Variants in ZMYM6 observed in about 807,000 individuals in gnomAD.
The protein encoded by ZMYM6 is zinc finger MYM-type containing 6, also known as zinc finger MYM-type protein 6.
ZMYM6 carries 90 observed loss-of-function variants against 134.0 expected under a neutral mutation model. The observed-to-expected ratio is 0.67, with a 90% confidence interval of 0.57 to 0.80. The LOEUF (loss-of-function observed/expected upper bound fraction) is 0.80. ZMYM6 is among the 30% of genes least tolerant of loss of function. The pLI, the probability that ZMYM6 is intolerant of heterozygous loss-of-function variation, is 0.00. For missense variants in ZMYM6, 1,362 were observed against 1,533.9 expected (o/e 0.89, Z 1.87); for synonymous variants, 481 against 524.1 (o/e 0.92, Z 1.12).
rs564176859 is a variant in ZMYM6, at chr1:35,003,847, T to C, written c.1992+121A>G. On this transcript the variant is annotated intron_variant, in intron 14 of 15. Transcript: ENST00000357182. ...CTGTTAGTTGTGCCCAAGACCTAGA[T>C]TAATGACTAGGACCCTCTTCCAGCA... is the stretch of plus-strand genomic sequence containing the variant. 2.5e-5 allele frequency: 21 copies of C among 831,476 alleles called. No homozygotes were observed. The African/African-American group carries it at 3.3e-4, about 13-fold the overall frequency. 51.5% of individuals were successfully genotyped at this position (831,476 alleles called of 1,614,324 possible). A position where few individuals can be genotyped will look rare whatever the true frequency, so the allele number is the denominator to read the frequency against.
At chr1:35,007,348 T>C (rs1641002153) in intron 11 of ZMYM6, among the ~76,000 whole-genome samples, 1 of 152,156 alleles carries the variant, frequency 6.6e-6, no homozygotes, top group Non-Finnish European at 1.5e-5. Context: ...CCCAGCATTT[T>C]AGGAGGCCGA....
intron 11 of ZMYM6, among the ~76,000 whole-genome samples, chr1:35,007,418 G>GT (rs1291390404): frequency 6.6e-6 from 1 of 151,808 alleles, no homozygotes; most frequent in Admixed American, 6.6e-5. Context: ...GTGAAACCCC[G>GT]TATCTACTAA....
chr1:34,999,521 G>C lies in ZMYM6; in HGVS notation c.1992+4447C>G, dbSNP rs960456174. 3.9e-5 allele frequency among the ~76,000 whole-genome samples: 6 copies of C among 152,178 alleles called. No individual in the cohort carries two copies. In the East Asian group the frequency reaches 5.8e-4, roughly 15 times the overall value. On this transcript the variant is annotated intron_variant, in intron 14 of 15. Transcript: ENST00000357182. ...ATATTTTTGTGTTGATGAAAATAAT[G>C]AGTTGAAAAGGGGGAAAATCCAGAT...
At position 35,020,383 on chromosome 1, in the gene ZMYM6, C is replaced by G. The variant is rs1398707559; in HGVS notation, c.178G>C (p.Ala60Pro). The G allele has an allele frequency of 2.5e-6, 4 of 1,601,366 alleles. No homozygotes were observed. The highest frequency in any genetic ancestry group is 2.6e-6 in the Non-Finnish European group (3 of 1,176,202). ...GVSSVNERPI[A>P]QQLNPGFQLS... ...TAACTTATACAGTTCCATTTCTTAC[C>G]AATAGGTCTCTCATTAACTGAAGAC... is the stretch of plus-strand genomic sequence containing the variant. Residue 60 changes from alanine to proline, a missense_variant and splice_region_variant, in exon 3 of 16, where the codon GCC becomes CCC. By Grantham distance (27) the Ala-to-Pro change is conservative. Transcript: ENST00000357182.
chr1:35,007,231 C>A, intron 11 of ZMYM6, 133 bp from the exon 12 acceptor site: 4 of 771,712 alleles, frequency 5.2e-6, no homozygotes, highest in East Asian at 3.2e-5. Flanking sequence ...AGGTTCTTAC[C>A]TTAAAATACT....
chr1:34,988,931 T>C lies in ZMYM6; in HGVS notation c.2151A>G (p.Leu717=). The change falls in exon 16 of 16, where the codon TTA becomes TTG. Residue 717 remains leucine (L), a synonymous_variant. Coordinates refer to ENST00000357182, the MANE Select transcript of ZMYM6 (RefSeq NM_007167.4). ...CATCATTTTTTTCATTAGGCATAGGTAAATCTGAATGAAATATTTGAATCA... is the reference window on the plus strand; with the variant it reads ...CATCATTTTTTTCATTAGGCATAGGCAAATCTGAATGAAATATTTGAATCA... ...HTQHKECQTD[L]PMPNEKNDAE... The C allele has an allele frequency of 6.2e-7, 1 of 1,605,842 alleles. No individual in the cohort carries two copies. Among genetic ancestry groups the C allele is most frequent in the East Asian group, 2.2e-5 (1 of 44,778 alleles).
Position 34,992,722 on chromosome 1 carries a change from TAAAA to T in ZMYM6, c.1993-339_1993-336del, listed in dbSNP as rs1423667398. Among the ~76,000 whole-genome samples the T allele has an allele frequency of 4.7e-4, 66 of 140,694 alleles. 6 individuals carry two copies. Among genetic ancestry groups the T allele is most frequent in the African/African-American group, 1.6e-3 (58 of 36,436 alleles). 92.3% of individuals were successfully genotyped at this position (140,694 alleles called of 152,430 possible). ...AAAATATACTTATAAACTATAAAAA[TAAAA>T]ATATACTTATAAACTATAAATATAA... On this transcript the variant is annotated intron_variant, in intron 14 of 15. Coordinates refer to ENST00000357182, the MANE Select transcript of ZMYM6 (RefSeq NM_007167.4).
chr1:35,007,168 A>T (rs1290119342), intron 11 of ZMYM6, 70 bp from the exon 12 acceptor site: 7 of 1,475,646 alleles, frequency 4.7e-6, no homozygotes, highest in African/African-American at 2.9e-5. Flanking sequence ...TTAATCATAA[A>T]AAGAGGGACT....
intron 4 of ZMYM6, among the ~76,000 whole-genome samples, chr1:35,015,945 CTTTTT>C (rs10715166): frequency 1.5e-5 from 2 of 134,110 alleles, no homozygotes. Context: ...TTTTTTCTTT[CTTTTT>C]TTTTTTTTTT....
intron 14 of ZMYM6, among the ~76,000 whole-genome samples, chr1:35,001,808 T>G (rs1416336051): frequency 1.3e-5 from 2 of 152,144 alleles, no homozygotes; most frequent in African/African-American, 2.4e-5. Flanking sequence ...ACACAAATAA[T>G]GAGAGAGTTA....
chr1:35,018,972 G>T lies in ZMYM6; in HGVS notation c.428+381C>A, dbSNP rs569389283. Reference sequence around the variant, plus strand: ...CCATGTAGAGTTTTTACTTTTTAAAGAATTAAATAGCTTTTGTATACTATT... The same window carrying T: ...CCATGTAGAGTTTTTACTTTTTAAATAATTAAATAGCTTTTGTATACTATT... On this transcript the variant is annotated intron_variant, in intron 4 of 15. Coordinates refer to ENST00000357182, the MANE Select transcript of ZMYM6 (RefSeq NM_007167.4). 1.1e-3 allele frequency: 289 copies of T among 264,676 alleles called. 3 individuals carry two copies. Among genetic ancestry groups the T allele is most frequent in the African/African-American group, 5.8e-3 (262 of 45,362 alleles). 16.4% of individuals were successfully genotyped at this position (264,676 alleles called of 1,614,324 possible).
intron 12 of ZMYM6, among the ~76,000 whole-genome samples, chr1:35,006,307 T>C (rs1253747139): frequency 2.6e-5 from 4 of 152,144 alleles, no homozygotes; most frequent in African/African-American, 9.7e-5. Context: ...TGCACCTGGC[T>C]ACCAAATGTT....
chr1:35,010,678 T>C (rs1265943366), intron 9 of ZMYM6, 80 bp downstream of exon 9: 6 of 1,543,498 alleles, frequency 3.9e-6, no homozygotes, highest in African/African-American at 1.4e-5. Context: ...TCAAAGCAAA[T>C]TGAGTGATCA....
At chr1:35,013,317 G>T in intron 6 of ZMYM6, 1 of 944,060 alleles carries the variant, frequency 1.1e-6, no homozygotes, top group Non-Finnish European at 1.3e-6. Context: ...AGGCTCCAAA[G>T]TTCAGGCTCC....
chr1:34,990,914 G>A (rs1393440493), intron 15 of ZMYM6, among the ~76,000 whole-genome samples: 2 of 152,046 alleles, frequency 1.3e-5, no homozygotes, highest in South Asian at 2.1e-4. Flanking sequence ...GCCCAGGTTG[G>A]AGCACAATGG....
chr1:35,020,739 T>C (rs545631738), intron 2 of ZMYM6, among the ~76,000 whole-genome samples: 1 of 151,880 alleles, frequency 6.6e-6, no homozygotes, highest in South Asian at 2.1e-4. Context: ...CACCCAACTA[T>C]TTTTTGTATT....
rs753598539 is a variant in ZMYM6 at position 34,987,278 on chromosome 1, A to T, written c.3804T>A (p.His1268Gln). The stretch of plus-strand genomic sequence containing the variant: ...GTAATAAAAATTTCATTGCCCTTTC[A>T]TGGAGTTCTGGGTAACTTGTCTTTG... ...INAKTSYPEL[H>Q]ERAMKFLLPF... Residue 1268 changes from histidine to glutamine, a missense_variant, in exon 16 of 16, where the codon CAT becomes CAA. Transcript: ENST00000357182. 8.1e-6 allele frequency: 13 copies of T among 1,613,152 alleles called. No homozygotes were observed. In the South Asian group the frequency reaches 1.4e-4, roughly 18 times the overall value.
chr1:34,992,137 A>T, intron 15 of ZMYM6, 97 bp downstream of exon 15: 1 of 1,485,218 alleles, frequency 6.7e-7, no homozygotes, highest in Non-Finnish European at 9.4e-7. Flanking sequence ...TTTCACATTT[A>T]AGACTCTGTC....
rs544602373 is a variant in ZMYM6, at chr1:35,007,773, G to A, written c.1666-675C>T. ...GGAGCCAACATCGCCCACTGATCAC[G>A]CCACTGCACACCAGCCTGAGCAATA... On this transcript the variant is annotated intron_variant, in intron 11 of 15. Transcript: ENST00000357182. Among the ~76,000 whole-genome samples the A allele has an allele frequency of 8.5e-4, 127 of 150,100 alleles. 1 individual carries two copies. Among genetic ancestry groups the A allele is most frequent in the African/African-American group, 1.3e-3 (55 of 41,124 alleles).
Sources: allele counts gnomAD v4.1 joint callset (sites outside exome capture counted in the v4.1 genomes callset), GRCh38; gene constraint gnomAD v4.1.1; transcripts MANE v1.5; gene names NCBI Gene and HGNC (gene_info 2026-07-23, HGNC 2026-07-21).